THADA: variants seen among roughly 807,000 people sequenced by gnomAD.
THADA encodes the protein THADA armadillo repeat containing.
Under a neutral mutation model 219.8 loss-of-function variants are expected in THADA, and 213 were observed. The observed-to-expected ratio is 0.97, with a 90% CI of 0.87 to 1.09. The LOEUF (loss-of-function observed/expected upper bound fraction) is 1.09, where lower values mean the gene tolerates loss of function less well. Among genes scored for constraint, THADA ranks in the 50% least tolerant of loss-of-function variants. The pLI is 0.00. For missense variants in THADA, 2,956 were observed against 2,311.3 expected (o/e 1.28, Z -5.72); for synonymous variants, 1,018 against 828.9 (o/e 1.23, Z -3.92).
At chr2:43,451,214 C>G (rs1682279676) in intron 26 of THADA, among the ~76,000 whole-genome samples, 2 of 152,126 alleles carry the variant, frequency 1.3e-5, no homozygotes, top group Non-Finnish European at 1.5e-5. Context: ...TTTGGCCTCT[C>G]TCTTATCCTT....
At position 43,345,167 on chromosome 2, in the gene THADA, T is replaced by A. The variant is rs187614784; in HGVS notation, c.4228-930A>T. Among the ~76,000 whole-genome samples, 22 of 152,380 alleles carry A rather than the reference T, an allele frequency of 1.4e-4. No individual in the cohort carries two copies. In the East Asian group the frequency reaches 1.7e-3, roughly 12 times the overall value. On this transcript the variant is annotated intron_variant, in intron 29 of 37. Transcript: ENST00000405975. ...TTATATCCTTCTCTAGAGCTGTGAA[T>A]GATTCTTTCTGTGTAACCAGATTCA...
At chr2:43,553,912 A>C (rs1362763762) in intron 17 of THADA, among the ~76,000 whole-genome samples, 1 of 152,156 alleles carries the variant, frequency 6.6e-6, no homozygotes, top group Non-Finnish European at 1.5e-5. Context: ...TCATGTGTAT[A>C]TCTTCTTTGG....
At chr2:43,435,478 G>C (rs1372997342) in intron 26 of THADA, among the ~76,000 whole-genome samples, 1 of 146,406 alleles carries the variant, frequency 6.8e-6, no homozygotes, top group Admixed American at 6.8e-5. Context: ...GGAAGGGAGG[G>C]AGGGAAGGAG....
At chr2:43,567,452 C>A (rs1698819297) in intron 14 of THADA, among the ~76,000 whole-genome samples, 1 of 152,022 alleles carries the variant, frequency 6.6e-6, no homozygotes, top group Admixed American at 6.5e-5. Context: ...CAACATGAAA[C>A]CCTGTCTCTA....
At chr2:43,243,648 C>T (rs761336956) in intron 36 of THADA, among the ~76,000 whole-genome samples, 1 of 152,156 alleles carries the variant, frequency 6.6e-6, no homozygotes. Flanking sequence ...AAATGAGAAG[C>T]AGCCCCTTCC....
intron 16 of THADA, among the ~76,000 whole-genome samples, chr2:43,559,590 C>A (rs1697812804): frequency 6.6e-6 from 1 of 152,188 alleles, no homozygotes; most frequent in Non-Finnish European, 1.5e-5. Flanking sequence ...GAGCTAAGAG[C>A]CAGGGTCTGG....
chr2:43,282,768 A>G (rs1673512574), intron 35 of THADA, among the ~76,000 whole-genome samples: 1 of 152,230 alleles, frequency 6.6e-6, no homozygotes, highest in Non-Finnish European at 1.5e-5. Flanking sequence ...TATGCTTTTC[A>G]ATTCCTTAGG....
chr2:43,426,915 A>T (rs1678515533), intron 28 of THADA, among the ~76,000 whole-genome samples: 1 of 152,242 alleles, frequency 6.6e-6, no homozygotes, highest in Non-Finnish European at 1.5e-5. Flanking sequence ...GAAAGGTTTC[A>T]TGAGAAAATT....
intron 13 of THADA, among the ~76,000 whole-genome samples, chr2:43,571,138 C>G (rs1294802929): frequency 1.3e-5 from 2 of 152,160 alleles, no homozygotes; most frequent in African/African-American, 4.8e-5. Context: ...CCCCTGTCAT[C>G]CCAGCTACTT....
At chr2:43,290,113 C>T (rs1674515300) in intron 34 of THADA, among the ~76,000 whole-genome samples, 1 of 151,578 alleles carries the variant, frequency 6.6e-6, no homozygotes, top group South Asian at 2.1e-4. Context: ...GCTGGGATTA[C>T]AGGCGCCCAC....
rs1035837655 is a variant in THADA at position 43,595,578 on chromosome 2, G to A, written c.-25+353C>T. 2.6e-5 allele frequency: 4 copies of A among 152,456 alleles called. No homozygotes were observed. In the South Asian group the frequency reaches 8.3e-4, roughly 32 times the overall value. The allele number at this position is 152,456 out of a possible 1,614,324, so 9.4% of individuals were successfully genotyped here. A position where few individuals can be genotyped will look rare whatever the true frequency, so the allele number is the denominator to read the frequency against. On this transcript the variant is annotated intron_variant, in intron 1 of 37. Transcript: ENST00000405975. ...CTGAAGAACCAGGGTCCCCAAGGGG[G>A]TAAATCCCGTGTCTACCGCAAGGCC...
At chr2:43,240,896 C>G (rs1203470985) in intron 36 of THADA, among the ~76,000 whole-genome samples, 3 of 152,180 alleles carry the variant, frequency 2.0e-5, no homozygotes, top group African/African-American at 7.2e-5. Context: ...AAGGGCAGCC[C>G]TAGTCCCAGC....
At chr2:43,511,881 C>G (rs1252452653) in intron 22 of THADA, among the ~76,000 whole-genome samples, 1 of 152,014 alleles carries the variant, frequency 6.6e-6, no homozygotes, top group Non-Finnish European at 1.5e-5. Flanking sequence ...ACATGTAGGT[C>G]GAATGGTGGA....
intron 36 of THADA, among the ~76,000 whole-genome samples, chr2:43,261,063 G>A (rs1391239166): frequency 6.6e-6 from 1 of 152,006 alleles, no homozygotes; most frequent in Non-Finnish European, 1.5e-5. Flanking sequence ...AAAGGCTCAT[G>A]CCTGTTATTT....
intron 29 of THADA, among the ~76,000 whole-genome samples, chr2:43,349,562 G>GT (rs1487673763): frequency 1.3e-5 from 2 of 152,124 alleles, no homozygotes; most frequent in African/African-American, 4.8e-5. Flanking sequence ...GCTGAGATGG[G>GT]TTTTCCTCTT....
chr2:43,343,780 T>G (rs1667321982), intron 30 of THADA: 1 of 182,388 alleles, frequency 5.5e-6, no homozygotes, highest in African/African-American at 2.4e-5. Flanking sequence ...CCACGGCACC[T>G]AAGAGTCTGT....
chr2:43,271,027 T>C (rs1672057606), intron 36 of THADA, among the ~76,000 whole-genome samples: 1 of 152,202 alleles, frequency 6.6e-6, no homozygotes, highest in Admixed American at 6.5e-5. Flanking sequence ...CAGACGGGGC[T>C]CTGGGAGGAA....
At chr2:43,438,920 CT>C (rs1259002506) in intron 26 of THADA, among the ~76,000 whole-genome samples, 1 of 152,130 alleles carries the variant, frequency 6.6e-6, no homozygotes, top group African/African-American at 2.4e-5. Flanking sequence ...AATGTGGTCT[CT>C]CTCTATATAT....
chr2:43,556,145 A>T (rs763461465), intron 17 of THADA, 200 bp downstream of exon 17: 3 of 1,176,502 alleles, frequency 2.5e-6, no homozygotes, highest in Non-Finnish European at 3.4e-6. Flanking sequence ...TACTTATTCA[A>T]CATAAATCCA....
Sources: gnomAD v4.1 joint callset for allele counts (sites outside exome capture counted in the v4.1 genomes callset) on GRCh38, gnomAD v4.1.1 for gene constraint, MANE v1.5 for transcripts, NCBI Gene and HGNC (gene_info 2026-07-23, HGNC 2026-07-21) for gene names.